Variants in TSPAN31 observed in about 807,000 individuals in gnomAD.
TSPAN31 encodes tetraspanin-31.
Under a neutral mutation model 24.8 loss-of-function variants are expected in TSPAN31, and 16 were observed. That is an observed-to-expected ratio of 0.64 (90% CI 0.44 to 0.98). The LOEUF is 0.98. Among genes scored for constraint, TSPAN31 ranks in the 50% least tolerant of loss-of-function variants. The pLI is 0.00. For missense variants in TSPAN31, 209 were observed against 251.6 expected, an observed-to-expected ratio of 0.83 and a Z score of 1.15; for synonymous variants, 87 against 91.4, an observed-to-expected ratio of 0.95 and a Z score of 0.27.
chr12:57,746,296 A>T (rs368168749), intron 3 of TSPAN31, 40 bp downstream of exon 3: 14 of 1,580,702 alleles, frequency 8.9e-6, no homozygotes, highest in Non-Finnish European at 1.0e-5. Flanking sequence ...TGCTTTTTAA[A>T]ATTTTCCTCT....
At position 57,749,526 on chromosome 12, in the gene TSPAN31, G is replaced by C. The variant is rs1955207107; in HGVS notation, c.*2236G>C. On this transcript the variant is annotated 3_prime_UTR_variant, in exon 6 of 6. Coordinates refer to ENST00000257910, the MANE Select transcript of TSPAN31 (RefSeq NM_005981.5). ...AGGCCTAAGGTGAGAAGGGATATAA[G>C]GTAGCAGTCATTTTCAAAGATATCT... 6.2e-7 allele frequency: 1 copy of C among 1,612,206 alleles called. No individual in the cohort carries two copies. Among genetic ancestry groups the C allele is most frequent in the Non-Finnish European group, 8.5e-7 (1 of 1,178,348 alleles).
Position 57,748,003 on chromosome 12 carries a change from A to G in TSPAN31, c.*713A>G, listed in dbSNP as rs549179019. The G allele has an allele frequency of 2.7e-5, 6 of 226,104 alleles. No individual in the cohort carries two copies. In the East Asian group the frequency reaches 2.8e-4, roughly 11 times the overall value. The allele number at this position is 226,104 out of a possible 1,614,324, so 14.0% of individuals were successfully genotyped here. A position where few individuals can be genotyped will look rare whatever the true frequency, so the allele number is the denominator to read the frequency against. On this transcript the variant is annotated 3_prime_UTR_variant, in exon 6 of 6. Coordinates refer to ENST00000257910, the MANE Select transcript of TSPAN31 (RefSeq NM_005981.5). ...GTGATCCACCCGCGTTGGCCTCCCA[A>G]CGTGCTGGGATTATAGGCGTGAGCC... is the stretch of plus-strand genomic sequence containing the variant.
rs1042240357 is a variant in TSPAN31 at position 57,748,757 on chromosome 12, G to A, written c.*1467G>A. 6.0e-6 allele frequency: 4 copies of A among 663,538 alleles called. No individual in the cohort carries two copies. The African/African-American group carries it at 7.3e-5, about 12-fold the overall frequency. The allele number at this position is 663,538 out of a possible 1,614,324, so 41.1% of individuals were successfully genotyped here. ...GTCTCGCTCTATCACCCAGGCTGGAGTGCAATGGTATGATCTCAGCTCACT... is the reference window on the plus strand; with the variant it reads ...GTCTCGCTCTATCACCCAGGCTGGAATGCAATGGTATGATCTCAGCTCACT... On this transcript the variant is annotated 3_prime_UTR_variant, in exon 6 of 6. Coordinates refer to ENST00000257910, the MANE Select transcript of TSPAN31 (RefSeq NM_005981.5).
At chr12:57,746,047 A>G (rs1181776667) in intron 2 of TSPAN31, 129 bp from the exon 3 acceptor site, 1 of 1,448,474 alleles carries the variant, frequency 6.9e-7, no homozygotes, top group Non-Finnish European at 9.5e-7. Context: ...AATCTACGAA[A>G]CAAGAGCTGA....
chr12:57,747,142 C>T lies in TSPAN31; in HGVS notation c.558+11C>T, dbSNP rs1269145605. 1 of 1,611,364 alleles carries T rather than the reference C, an allele frequency of 6.2e-7. No individual in the cohort carries two copies. The highest frequency in any genetic ancestry group is 1.7e-5 in the Admixed American group (1 of 60,018). The stretch of plus-strand genomic sequence containing the variant: ...TTTAGCTTTACAGAGGTAACATTCT[C>T]CAGTTCCCTCACACACATCCTTTTT... On this transcript the variant is annotated intron_variant, in intron 5 of 5. Transcript: ENST00000257910.
chr12:57,748,703 TTTTTC>T lies in TSPAN31; in HGVS notation c.*1418_*1422del, dbSNP rs746522339. ...CAATACCTGGGATGAGCTTTCTTCT[TTTTTC>T]TTTTTTTTTTTTTTTGAGACGGAGT... On this transcript the variant is annotated 3_prime_UTR_variant, in exon 6 of 6. Coordinates refer to ENST00000257910, the MANE Select transcript of TSPAN31 (RefSeq NM_005981.5). 4.6e-5 allele frequency: 42 copies of T among 906,642 alleles called. No individual in the cohort carries two copies. Among genetic ancestry groups the T allele is most frequent in the Middle Eastern group, 2.5e-4 (1 of 4,068 alleles). 56.2% of individuals were successfully genotyped at this position (906,642 alleles called of 1,614,324 possible). A position where few individuals can be genotyped will look rare whatever the true frequency, so the allele number is the denominator to read the frequency against.
chr12:57,747,278 T>C lies in TSPAN31; in HGVS notation c.621T>C (p.Ser207=). ...RNQKDPRANP[S]AFL is the part of the protein sequence containing the mutation. Reference sequence around the variant, plus strand: ...AGAAGGATCCTAGAGCCAACCCCAGTGCCTTTCTATGAGACTTTGGATCCT... The same window carrying C: ...AGAAGGATCCTAGAGCCAACCCCAGCGCCTTTCTATGAGACTTTGGATCCT... The change falls in exon 6 of 6, where the codon AGT becomes AGC. Residue 207 remains serine (S), a synonymous_variant. Transcript: ENST00000257910. The C allele has an allele frequency of 6.2e-7, 1 of 1,614,154 alleles. No homozygotes were observed. Among genetic ancestry groups the C allele is most frequent in the Non-Finnish European group, 8.5e-7 (1 of 1,179,994 alleles).
chr12:57,745,778 T>C lies in TSPAN31; in HGVS notation c.97T>C (p.Trp33Arg), dbSNP rs147179118. The C allele has an allele frequency of 1.4e-5, 22 of 1,613,348 alleles. No individual in the cohort carries two copies. Among genetic ancestry groups the C allele is most frequent in the Non-Finnish European group, 1.9e-5 (22 of 1,179,858 alleles). Residue 33 changes from tryptophan to arginine, a missense_variant, in exon 2 of 6, where the codon TGG (tryptophan) becomes CGG (arginine). Trp to Arg is a moderately radical substitution (Grantham distance 101). Coordinates refer to ENST00000257910, the MANE Select transcript of TSPAN31 (RefSeq NM_005981.5). Reference sequence around the variant, plus strand: ...CTTGTTGCTCATTGGAGTGGCTGCTTGGGGCAAGGGCCTGGGTCTGGTGTC... The same window carrying C: ...CTTGTTGCTCATTGGAGTGGCTGCTCGGGGCAAGGGCCTGGGTCTGGTGTC... The part of the protein sequence containing the change: ...VSLLLIGVAA[W>R]GKGLGLVSSI...
In TSPAN31 at chr12:57,748,709, T is replaced by C; in HGVS notation, c.*1419T>C. ...CTGGGATGAGCTTTCTTCTTTTTTCTTTTTTTTTTTTTTTGAGACGGAGTC... is the reference window on the plus strand; with the variant it reads ...CTGGGATGAGCTTTCTTCTTTTTTCCTTTTTTTTTTTTTTGAGACGGAGTC... On this transcript the variant is annotated 3_prime_UTR_variant, in exon 6 of 6. Transcript: ENST00000257910. The C allele has an allele frequency of 4.1e-6, 1 of 241,924 alleles. No homozygotes were observed. The allele number at this position is 241,924 out of a possible 1,614,324, so 15.0% of individuals were successfully genotyped here. A position where few individuals can be genotyped will look rare whatever the true frequency, so the allele number is the denominator to read the frequency against.
At position 57,749,694 on chromosome 12, in the gene TSPAN31, C is replaced by G; in HGVS notation, c.*2404C>G. The stretch of plus-strand genomic sequence containing the variant: ...TCAGCCTGGGCAAGCAAGACCTTGT[C>G]TCTTTTTTTAAAAAAAAAGAAATGC... On this transcript the variant is annotated 3_prime_UTR_variant, in exon 6 of 6. Coordinates refer to ENST00000257910, the MANE Select transcript of TSPAN31 (RefSeq NM_005981.5). 3.1e-6 allele frequency: 2 copies of G among 643,338 alleles called. No individual in the cohort carries two copies. Among genetic ancestry groups the G allele is most frequent in the South Asian group, 1.8e-5 (1 of 55,350 alleles). 39.9% of individuals were successfully genotyped at this position (643,338 alleles called of 1,614,324 possible).
rs1595109107 is a variant in TSPAN31 at position 57,749,581 on chromosome 12, A to G, written c.*2291A>G. 1.4e-6 allele frequency: 2 copies of G among 1,397,526 alleles called. No individual in the cohort carries two copies. Among genetic ancestry groups the G allele is most frequent in the East Asian group, 2.3e-5 (1 of 43,068 alleles). The allele number at this position is 1,397,526 out of a possible 1,614,324, so 86.6% of individuals were successfully genotyped here. On this transcript the variant is annotated 3_prime_UTR_variant, in exon 6 of 6. Transcript: ENST00000257910. ...TGAATGGTTACTGCTTAGTGGCTCA[A>G]AATAGGAAGTATAGGGAATAAAGGC...
chr12:57,749,221 C>G lies in TSPAN31; in HGVS notation c.*1931C>G. 6.2e-7 allele frequency: 1 copy of G among 1,614,068 alleles called. No homozygotes were observed. Among genetic ancestry groups the G allele is most frequent in the Non-Finnish European group, 8.5e-7 (1 of 1,179,904 alleles). On this transcript the variant is annotated 3_prime_UTR_variant, in exon 6 of 6. Transcript: ENST00000257910. The stretch of plus-strand genomic sequence containing the variant: ...CTCCCGACTCCTCCATCTCAGGTAC[C>G]ACCGACTGCACTGGGCGGGGCCCTC...
intron 4 of TSPAN31, 90 bp downstream of exon 4, chr12:57,746,810 ATT>A: frequency 6.4e-7 from 1 of 1,571,570 alleles, no homozygotes; most frequent in Non-Finnish European, 8.7e-7. Context: ...TTTGAATGTC[ATT>A]GTTTCTCTCT....
intron 2 of TSPAN31, 100 bp downstream of exon 2, chr12:57,746,012 G>A: frequency 6.7e-7 from 1 of 1,484,162 alleles, no homozygotes; most frequent in Non-Finnish European, 9.1e-7. Flanking sequence ...TCTTGGACAC[G>A]TCTCCTTGCC....
Position 57,749,846 on chromosome 12 carries a change from A to G in TSPAN31, c.*2556A>G. ...ACCCTGTCATTACTAAAAGTACAAA[A>G]ATTAGCTGAGCATGGTGGCGTGCAC... On this transcript the variant is annotated 3_prime_UTR_variant, in exon 6 of 6. Coordinates refer to ENST00000257910, the MANE Select transcript of TSPAN31 (RefSeq NM_005981.5). The G allele has an allele frequency of 2.8e-6, 1 of 360,320 alleles. No homozygotes were observed. The highest frequency in any genetic ancestry group is 5.3e-6 in the Non-Finnish European group (1 of 188,848). 22.3% of individuals were successfully genotyped at this position (360,320 alleles called of 1,614,324 possible).
Position 57,749,730 on chromosome 12 carries a change from G to A in TSPAN31, c.*2440G>A, listed in dbSNP as rs974704847. 9.0e-5 allele frequency: 53 copies of A among 585,806 alleles called. No homozygotes were observed. The highest frequency in any genetic ancestry group is 7.0e-4 in the East Asian group (24 of 34,288). The allele number at this position is 585,806 out of a possible 1,614,324, so 36.3% of individuals were successfully genotyped here. Reference sequence around the variant, plus strand: ...AAAAAAAAGAAATGCCAGGTGCAGCGGCTCACGCCTGTAATCCTAGCACTT... The same window carrying A: ...AAAAAAAAGAAATGCCAGGTGCAGCAGCTCACGCCTGTAATCCTAGCACTT... On this transcript the variant is annotated 3_prime_UTR_variant, in exon 6 of 6. Coordinates refer to ENST00000257910, the MANE Select transcript of TSPAN31 (RefSeq NM_005981.5).
chr12:57,748,955 C>CCGCG lies in TSPAN31; in HGVS notation c.*1665_*1666insCGCG. ...TCCTGACCTCAGGTGATACGCCCAC[C>CCGCG]TTGGCCTCCCAAAGTGCTGGGATTA... On this transcript the variant is annotated 3_prime_UTR_variant, in exon 6 of 6. Transcript: ENST00000257910. The CCGCG allele has an allele frequency of 1.6e-6, 1 of 610,274 alleles. No individual in the cohort carries two copies. Among genetic ancestry groups the CCGCG allele is most frequent in the Non-Finnish European group, 2.9e-6 (1 of 346,808 alleles). 37.8% of individuals were successfully genotyped at this position (610,274 alleles called of 1,614,324 possible).
rs190335725 is a variant in TSPAN31 at position 57,747,414 on chromosome 12, T to C, written c.*124T>C. On this transcript the variant is annotated 3_prime_UTR_variant, in exon 6 of 6. Transcript: ENST00000257910. ...AGGAAAGGCCCCTTGTCACATCCTC[T>C]AAAATTGATGGAATAGCAAGACTTT... The C allele has an allele frequency of 1.5e-5, 12 of 779,462 alleles. No homozygotes were observed. In the Admixed American group the frequency reaches 2.8e-4, roughly 18 times the overall value. The allele number at this position is 779,462 out of a possible 1,614,324, so 48.3% of individuals were successfully genotyped here.
intron 2 of TSPAN31, 43 bp downstream of exon 2, chr12:57,745,955 G>A (rs1220482199): frequency 2.6e-6 from 4 of 1,559,084 alleles, no homozygotes; most frequent in Non-Finnish European, 3.5e-6. Flanking sequence ...GGGCTTGGGA[G>A]GGCTGTCATC....
Sources: gnomAD v4.1 joint callset for allele counts on GRCh38, gnomAD v4.1.1 for gene constraint, MANE v1.5 for transcripts, NCBI Gene and HGNC (gene_info 2026-07-23, HGNC 2026-07-21) for gene names.